ULK4: variants seen among roughly 807,000 people sequenced by gnomAD.
ULK4 encodes inactive serine/threonine-protein kinase ULK4.
Under a neutral mutation model 160.6 loss-of-function variants are expected in ULK4, and 133 were observed. That is an observed-to-expected ratio of 0.83 (90% CI 0.72 to 0.96). The LOEUF is 0.96. ULK4 is among the 40% of genes least tolerant of loss of function. The pLI is 0.00. For missense variants in ULK4, 1,580 were observed against 1,499.5 expected, an observed-to-expected ratio of 1.05 and a Z score of -0.89; for synonymous variants, 534 against 539.8, an observed-to-expected ratio of 0.99 and a Z score of 0.15.
At chr3:41,634,225 G>A (rs1021060673) in intron 30 of ULK4, among the ~76,000 whole-genome samples, 4 of 152,170 alleles carry the variant, frequency 2.6e-5, no homozygotes, top group African/African-American at 9.7e-5. Flanking sequence ...ACTGGCAGAT[G>A]TCCTTGTGCT....
rs189213271 is a variant in ULK4, at chr3:41,806,914, A to G, written c.1849-6621T>C. On this transcript the variant is annotated intron_variant, in intron 19 of 36. Coordinates refer to ENST00000301831, the MANE Select transcript of ULK4 (RefSeq NM_017886.4). ...TGCAATTCCAGCACCTTGTGAGGCC[A>G]TGGCAGGTGGATTGCTTGAGCTCAT... 1.8e-3 allele frequency among the ~76,000 whole-genome samples: 268 copies of G among 152,206 alleles called. 3 individuals carry two copies. Among genetic ancestry groups the G allele is most frequent in the Non-Finnish European group, 3.7e-4 (25 of 68,016 alleles).
chr3:41,961,678 C>A (rs1467715265), intron 1 of ULK4, among the ~76,000 whole-genome samples: 3 of 151,860 alleles, frequency 2.0e-5, no homozygotes, highest in Non-Finnish European at 2.9e-5. Flanking sequence ...CGCTGCAGGG[C>A]GGTGAAGACG....
chr3:41,641,877 T>G (rs538079416), intron 30 of ULK4, among the ~76,000 whole-genome samples: 2 of 151,350 alleles, frequency 1.3e-5, no homozygotes. Context: ...ATACCTTTTT[T>G]TTTTTTTTTT....
chr3:41,651,413 C>G (rs1200765938), intron 30 of ULK4, among the ~76,000 whole-genome samples: 1 of 152,186 alleles, frequency 6.6e-6, no homozygotes, highest in Non-Finnish European at 1.5e-5. Flanking sequence ...GCACTTCTAA[C>G]TAGTGGAAGG....
At chr3:41,821,944 C>T (rs1428146180) in intron 18 of ULK4, among the ~76,000 whole-genome samples, 1 of 152,126 alleles carries the variant, frequency 6.6e-6, no homozygotes, top group Non-Finnish European at 1.5e-5. Context: ...TACATTCAGC[C>T]CTACTGACTT....
intron 22 of ULK4, among the ~76,000 whole-genome samples, chr3:41,733,753 T>A (rs1002993749): frequency 9.3e-5 from 13 of 140,208 alleles, no homozygotes; most frequent in East Asian, 2.0e-4. Flanking sequence ...TTTTTTTTTT[T>A]AGACAGAGTC....
At chr3:41,665,657 G>A (rs541105846) in intron 29 of ULK4, among the ~76,000 whole-genome samples, 1 of 152,028 alleles carries the variant, frequency 6.6e-6, no homozygotes, top group Non-Finnish European at 1.5e-5. Flanking sequence ...CTTAGGAAAT[G>A]AGTTAATATA....
Position 41,328,950 on chromosome 3 carries a change from G to A in ULK4, c.3678+69129C>T, listed in dbSNP as rs138855845. Among the ~76,000 whole-genome samples the A allele has an allele frequency of 3.9e-5, 6 of 152,020 alleles. No homozygotes were observed. In the East Asian group the frequency reaches 1.2e-3, roughly 29 times the overall value. The stretch of plus-strand genomic sequence containing the variant: ...TAAATTAACAAATAAAATTGATTTT[G>A]TTTATAGTTCTACGAATTTTAACAT... On this transcript the variant is annotated intron_variant, in intron 35 of 36. Coordinates refer to ENST00000301831, the MANE Select transcript of ULK4 (RefSeq NM_017886.4).
rs1575336323 is a variant in ULK4, at chr3:41,513,169, A to G, written c.3227-49916T>C. On this transcript the variant is annotated intron_variant, in intron 32 of 36. Coordinates refer to ENST00000301831, the MANE Select transcript of ULK4 (RefSeq NM_017886.4). ...AACTGAAGATGGATCAAAGACTTAA[A>G]TCTAAGACCTGAAACCATAAAGATT... is the stretch of plus-strand genomic sequence containing the variant. Among the ~76,000 whole-genome samples, 4 of 152,308 alleles carry G rather than the reference A, an allele frequency of 2.6e-5. No homozygotes were observed. The South Asian group carries it at 8.3e-4, about 32-fold the overall frequency.
chr3:41,369,346 T>A (rs564220754), intron 35 of ULK4, among the ~76,000 whole-genome samples: 1 of 151,992 alleles, frequency 6.6e-6, no homozygotes, highest in South Asian at 2.1e-4. Context: ...TACTAGAAAT[T>A]AGCCAGGTGT....
At chr3:41,253,779 T>C (rs1196912496) in intron 35 of ULK4, among the ~76,000 whole-genome samples, 1 of 152,128 alleles carries the variant, frequency 6.6e-6, no homozygotes, top group Non-Finnish European at 1.5e-5. Context: ...TTAATTCAAA[T>C]ATAATGAGAT....
chr3:41,670,615 A>G (rs1217195377), intron 29 of ULK4, among the ~76,000 whole-genome samples: 2 of 152,060 alleles, frequency 1.3e-5, no homozygotes, highest in Non-Finnish European at 2.9e-5. Flanking sequence ...ATACATACAC[A>G]TATACATATA....
Position 41,759,721 on chromosome 3 carries a change from TA to T in ULK4, c.2194-5234del, listed in dbSNP as rs556722522. The stretch of plus-strand genomic sequence containing the variant: ...AGAATTGCACAATAATTTTAAGACA[TA>T]AAAAAACTACGGTAATCAAAACAAT... On this transcript the variant is annotated intron_variant, in intron 21 of 36. Transcript: ENST00000301831. Among the ~76,000 whole-genome samples, 609 of 151,948 alleles carry T rather than the reference TA, an allele frequency of 4.0e-3. 3 individuals are homozygous for T. The highest frequency in any genetic ancestry group is 0.017 in the Middle Eastern group (5 of 294).
intron 35 of ULK4, among the ~76,000 whole-genome samples, chr3:41,268,194 G>C (rs1463041815): frequency 1.3e-5 from 2 of 152,182 alleles, no homozygotes; most frequent in Non-Finnish European, 2.9e-5. Context: ...AATGTCAATA[G>C]TGCCGAGGTT....
intron 35 of ULK4, among the ~76,000 whole-genome samples, chr3:41,373,275 G>A (rs1486911755): frequency 6.6e-6 from 1 of 151,904 alleles, no homozygotes; most frequent in Admixed American, 6.6e-5. Flanking sequence ...TTCAGCTAGG[G>A]ACCAAGCAGA....
At chr3:41,906,203 C>T (rs1459857747) in intron 12 of ULK4, among the ~76,000 whole-genome samples, 4 of 119,484 alleles carry the variant, frequency 3.3e-5, no homozygotes, top group African/African-American at 6.3e-5. Context: ...GGCGACAGAG[C>T]GAGACTCCGT....
At chr3:41,414,189 G>A (rs1478945237) in intron 34 of ULK4, among the ~76,000 whole-genome samples, 8 of 152,154 alleles carry the variant, frequency 5.3e-5, no homozygotes, top group African/African-American at 1.4e-4. Flanking sequence ...CAACAAGAGC[G>A]AAATTCCATC....
chr3:41,252,467 TA>T (rs922083691), intron 35 of ULK4, among the ~76,000 whole-genome samples: 2 of 151,924 alleles, frequency 1.3e-5, no homozygotes, highest in African/African-American at 4.8e-5. Context: ...ATTTTCTAAC[TA>T]AAAACATAAT....
At chr3:41,569,357 C>T (rs2087891676) in intron 31 of ULK4, among the ~76,000 whole-genome samples, 1 of 152,074 alleles carries the variant, frequency 6.6e-6, no homozygotes, top group African/African-American at 2.4e-5. Flanking sequence ...CTGAAGCTAC[C>T]CTAGGGGATG....
Sources: allele counts gnomAD v4.1 joint callset (sites outside exome capture counted in the v4.1 genomes callset), GRCh38; gene constraint gnomAD v4.1.1; transcripts MANE v1.5; gene names NCBI Gene and HGNC (gene_info 2026-07-23, HGNC 2026-07-21).